The following PSMA1 variants were observed in gnomAD, a reference collection of about 807,000 sequenced individuals.
PSMA1 encodes the protein proteasome 20S subunit alpha 1, also known as proteasome subunit alpha type-1.
In PSMA1, 3 loss-of-function variants were observed where a neutral mutation model predicts 38.4. The observed-to-expected ratio is 0.08, with a 90% CI of 0.04 to 0.20. PSMA1 has a LOEUF of 0.20. Ranked by LOEUF, PSMA1 falls within the 10% of genes least tolerant of loss-of-function variation. The pLI, the probability that PSMA1 is intolerant of heterozygous loss-of-function variation, is 1.00. For missense variants in PSMA1, 227 were observed against 325.3 expected (o/e 0.70, Z 2.32); for synonymous variants, 101 against 107.1 (o/e 0.94, Z 0.35).
intron 2 of PSMA1, among the ~76,000 whole-genome samples, chr11:14,582,354 T>C (rs574278797): frequency 6.6e-6 from 1 of 152,260 alleles, no homozygotes; most frequent in South Asian, 2.1e-4. Context: ...CCACCTAGAA[T>C]ACTCCATAAC....
Position 14,594,447 on chromosome 11 carries a change from C to T in PSMA1, c.21+16519G>A, listed in dbSNP as rs1292522199. ...GGGGGGTTCAGCTTTACATTTCCAT[C>T]ATGTCTAGACCAAGACATGTAGGTT... On this transcript the variant is annotated intron_variant, in intron 2 of 10. Transcript: ENST00000418988. Among the ~76,000 whole-genome samples the T allele has an allele frequency of 3.3e-5, 5 of 152,122 alleles. No homozygotes were observed. In the East Asian group the frequency reaches 9.6e-4, roughly 29 times the overall value.
intron 2 of PSMA1, among the ~76,000 whole-genome samples, chr11:14,557,896 C>T (rs1473684242): frequency 6.6e-6 from 1 of 152,134 alleles, no homozygotes; most frequent in Non-Finnish European, 1.5e-5. Flanking sequence ...TCTTCAGAGA[C>T]ATCTGGTGCC....
chr11:14,576,257 T>G (rs1470423099), intron 2 of PSMA1, among the ~76,000 whole-genome samples: 1 of 152,226 alleles, frequency 6.6e-6, no homozygotes, highest in Non-Finnish European at 1.5e-5. Context: ...GTAGTTTCTT[T>G]TGCTGTGCAG....
At chr11:14,531,138 T>C (rs1335005040) in intron 2 of PSMA1, among the ~76,000 whole-genome samples, 3 of 152,150 alleles carry the variant, frequency 2.0e-5, no homozygotes, top group Non-Finnish European at 4.4e-5. Flanking sequence ...CCCTTTTTTT[T>C]CCTTTTTTCA....
intron 4 of PSMA1, among the ~76,000 whole-genome samples, chr11:14,517,029 G>C (rs1489134971): frequency 6.6e-6 from 1 of 152,312 alleles, no homozygotes; most frequent in East Asian, 1.9e-4. Context: ...AGTGGTGAAG[G>C]TGAGAACTCA....
At chr11:14,557,521 C>T (rs1006679190) in intron 2 of PSMA1, among the ~76,000 whole-genome samples, 10 of 152,168 alleles carry the variant, frequency 6.6e-5, no homozygotes, top group East Asian at 1.9e-4. Context: ...GGATTACAGG[C>T]GTGAGCCAAC....
intron 1 of PSMA1, among the ~76,000 whole-genome samples, chr11:14,626,036 C>T (rs1590015221): frequency 6.6e-6 from 1 of 151,806 alleles, no homozygotes; most frequent in East Asian, 1.9e-4. Context: ...CTGCAAATGC[C>T]AATTCAAAAA....
At chr11:14,621,846 T>C (rs532794756) in intron 1 of PSMA1, among the ~76,000 whole-genome samples, 77 of 152,330 alleles carry the variant, frequency 5.1e-4, no homozygotes, top group African/African-American at 1.8e-3. Flanking sequence ...TCATATCTGA[T>C]GGTTCTCTGC....
intron 2 of PSMA1, among the ~76,000 whole-genome samples, chr11:14,598,851 A>G (rs973398136): frequency 2.6e-5 from 4 of 151,826 alleles, no homozygotes; most frequent in East Asian, 3.9e-4. Context: ...GATCTTCACA[A>G]TTTGGCATGT....
At chr11:14,615,845 G>T (rs10500802) in intron 1 of PSMA1, among the ~76,000 whole-genome samples, 10,228 of 152,192 alleles carry the variant, frequency 0.067, 577 homozygotes, top group East Asian at 0.26. Flanking sequence ...TGAATCCAGG[G>T]AAAGAATCAT....
intron 1 of PSMA1, among the ~76,000 whole-genome samples, chr11:14,641,892 G>A (rs568890363): frequency 2.0e-4 from 30 of 152,246 alleles, no homozygotes; most frequent in Non-Finnish European, 3.5e-4. Flanking sequence ...AGACTAGAAA[G>A]GATTTCAAAG....
At chr11:14,633,199 G>A (rs1261351433) in intron 1 of PSMA1, among the ~76,000 whole-genome samples, 2 of 151,602 alleles carry the variant, frequency 1.3e-5, no homozygotes, top group Admixed American at 6.6e-5. Flanking sequence ...TTCCTTTGGA[G>A]GAGGAGAGGC....
intron 1 of PSMA1, among the ~76,000 whole-genome samples, chr11:14,631,263 G>A (rs1332967069): frequency 6.6e-6 from 1 of 152,064 alleles, no homozygotes; most frequent in Non-Finnish European, 1.5e-5. Context: ...ATGTTAGTGT[G>A]TCAATTTTCG....
At chr11:14,507,114 G>A (rs1290338352) in intron 9 of PSMA1, among the ~76,000 whole-genome samples, 1 of 151,994 alleles carries the variant, frequency 6.6e-6, no homozygotes, top group Admixed American at 6.6e-5. Flanking sequence ...TAAGTTTTGG[G>A]GTAGCTTATT....
intron 2 of PSMA1, among the ~76,000 whole-genome samples, chr11:14,603,502 C>A (rs571319364): frequency 6.6e-6 from 1 of 152,306 alleles, no homozygotes; most frequent in African/African-American, 2.4e-5. Context: ...TTTTTTATTG[C>A]ACCCGATGAG....
chr11:14,585,381 G>C (rs1008744363), intron 2 of PSMA1, among the ~76,000 whole-genome samples: 18 of 152,158 alleles, frequency 1.2e-4, no homozygotes, highest in Non-Finnish European at 2.6e-4. Context: ...CTTCTCAAGG[G>C]AGATAACATG....
At chr11:14,558,890 G>A (rs552108767) in intron 2 of PSMA1, among the ~76,000 whole-genome samples, 8 of 152,312 alleles carry the variant, frequency 5.3e-5, no homozygotes, top group African/African-American at 1.2e-4. Flanking sequence ...ACTTGGAGGC[G>A]TTCCTACACA....
At chr11:14,518,016 G>C (rs1851463428) in intron 2 of PSMA1, 35 bp from the exon 3 acceptor site, 2 of 1,406,508 alleles carry the variant, frequency 1.4e-6, no homozygotes, top group African/African-American at 1.5e-5. Context: ...ACACATCTTA[G>C]AAGATCTTTT....
At chr11:14,583,187 C>T (rs537094665) in intron 2 of PSMA1, among the ~76,000 whole-genome samples, 92 of 152,254 alleles carry the variant, frequency 6.0e-4, no homozygotes, top group African/African-American at 2.2e-3. Context: ...TTTCTTCTAC[C>T]TTTCACTTCT....
Sources: gnomAD v4.1 joint callset for allele counts (sites outside exome capture counted in the v4.1 genomes callset) on GRCh38, gnomAD v4.1.1 for gene constraint, MANE v1.5 for transcripts, NCBI Gene and HGNC (gene_info 2026-07-23, HGNC 2026-07-21) for gene names.